The following SLC22A3 variants were observed in gnomAD, a reference collection of about 807,000 sequenced individuals.
SLC22A3 encodes the protein EMT organic cation transporter 3.
In SLC22A3, 51 loss-of-function variants were observed where a neutral mutation model predicts 59.1. The observed-to-expected ratio is 0.86, with a 90% CI of 0.69 to 1.09. The LOEUF (loss-of-function observed/expected upper bound fraction) is 1.09, where lower values mean the gene tolerates loss of function less well. SLC22A3 is among the 50% of genes least tolerant of loss of function. The pLI is 0.00. For synonymous variants in SLC22A3, 325 were observed against 292.0 expected, an observed-to-expected ratio of 1.11 and a Z score of -1.15; for missense variants, 711 against 726.3, an observed-to-expected ratio of 0.98 and a Z score of 0.24.
chr6:160,432,450 A>C (rs544577905), intron 5 of SLC22A3, among the ~76,000 whole-genome samples: 315 of 104,958 alleles, frequency 3.0e-3, no homozygotes, highest in African/African-American at 0.01. Flanking sequence ...TTTTTTTTTG[A>C]GACGGAGTCT....
At chr6:160,442,909 T>G (rs972896661) in intron 8 of SLC22A3, 40 bp downstream of exon 8, 2 of 1,463,034 alleles carry the variant, frequency 1.4e-6, no homozygotes, top group African/African-American at 2.8e-5. Flanking sequence ...TAAGTAACTC[T>G]GTAGACCAGC....
chr6:160,361,859 C>T (rs1006279972), intron 1 of SLC22A3, among the ~76,000 whole-genome samples: 1 of 152,228 alleles, frequency 6.6e-6, no homozygotes, highest in Non-Finnish European at 1.5e-5. Flanking sequence ...GAAGAAACTT[C>T]TCCAAAAGGC....
chr6:160,383,408 C>T (rs908541489), intron 1 of SLC22A3, among the ~76,000 whole-genome samples: 5 of 152,136 alleles, frequency 3.3e-5, no homozygotes, highest in African/African-American at 9.7e-5. Context: ...AATCAGCCTC[C>T]GATAGATATT....
chr6:160,426,218 T>C (rs1562496434), intron 5 of SLC22A3: 6 of 985,314 alleles, frequency 6.1e-6, no homozygotes, highest in African/African-American at 1.7e-5. Context: ...AACCAAAGGC[T>C]TTCTGAGTTA....
intron 2 of SLC22A3, among the ~76,000 whole-genome samples, chr6:160,400,181 G>A (rs1275756478): frequency 2.0e-5 from 3 of 150,752 alleles, no homozygotes; most frequent in Non-Finnish European, 2.9e-5. Context: ...GCAGCCAGAG[G>A]GGAAAAGGAA....
rs1477738569 is a variant in SLC22A3 at position 160,451,862 on chromosome 6, C to T, written c.*806C>T. 6.6e-6 allele frequency: 1 copy of T among 152,154 alleles called. No homozygotes were observed. Among genetic ancestry groups the T allele is most frequent in the Non-Finnish European group, 1.5e-5 (1 of 68,040 alleles). The allele number at this position is 152,154 out of a possible 1,614,324, so 9.4% of individuals were successfully genotyped here. A position where few individuals can be genotyped will look rare whatever the true frequency, so the allele number is the denominator to read the frequency against. ...ATTCCCTTCTTTACTAAACAAATCC[C>T]ATGGATTCTGATTTCTGGGTCTTAG... On this transcript the variant is annotated 3_prime_UTR_variant, in exon 11 of 11. Coordinates refer to ENST00000275300, the MANE Select transcript of SLC22A3 (RefSeq NM_021977.4).
rs75274766 is a variant in SLC22A3 at position 160,379,400 on chromosome 6, C to G, written c.430-18579C>G. Among the ~76,000 whole-genome samples, 1,452 of 152,232 alleles carry G rather than the reference C, an allele frequency of 9.5e-3. 24 individuals are homozygous for G. Among genetic ancestry groups the G allele is most frequent in the African/African-American group, 0.033 (1,379 of 41,526 alleles). On this transcript the variant is annotated intron_variant, in intron 1 of 10. Coordinates refer to ENST00000275300, the MANE Select transcript of SLC22A3 (RefSeq NM_021977.4). ...AAAATTTCTAGTAGCAAAAGAATATCCTCTGACACTCTTTTCAAAATGCCA... is the reference window on the plus strand; with the variant it reads ...AAAATTTCTAGTAGCAAAAGAATATGCTCTGACACTCTTTTCAAAATGCCA...
chr6:160,383,317 C>G (rs1464336789), intron 1 of SLC22A3, among the ~76,000 whole-genome samples: 1 of 152,052 alleles, frequency 6.6e-6, no homozygotes, highest in Non-Finnish European at 1.5e-5. Flanking sequence ...CTGCCCACCC[C>G]ACTCCAACTC....
In SLC22A3 at chr6:160,442,869, G is replaced by C; in HGVS notation, c.1397G>C (p.Arg466Pro). 1 of 1,602,980 alleles carries C rather than the reference G, an allele frequency of 6.2e-7. No individual in the cohort carries two copies. The highest frequency in any genetic ancestry group is 8.5e-7 in the Non-Finnish European group (1 of 1,169,848). Residue 466 changes from arginine to proline, a missense_variant and splice_region_variant, in exon 8 of 11, where the codon CGA becomes CCA. Arg to Pro is a moderately radical substitution (Grantham distance 103). Coordinates refer to ENST00000275300, the MANE Select transcript of SLC22A3 (RefSeq NM_021977.4). ...VNSELYPTTL[R>P]NFGVSLCSGL... is the part of the protein sequence containing the mutation. The stretch of plus-strand genomic sequence containing the variant: ...TCAGAATTGTACCCAACAACATTAC[G>C]GTAATTCTAACAAACGTTATAGTTT...
chr6:160,384,070 C>T (rs775307739), intron 1 of SLC22A3, among the ~76,000 whole-genome samples: 35 of 152,290 alleles, frequency 2.3e-4, no homozygotes, highest in Non-Finnish European at 4.6e-4. Flanking sequence ...GCTGGGATTA[C>T]AGGCGCACAC....
intron 1 of SLC22A3, among the ~76,000 whole-genome samples, chr6:160,369,688 A>C (rs1356662116): frequency 5.3e-5 from 8 of 152,180 alleles, no homozygotes; most frequent in African/African-American, 1.9e-4. Context: ...AAATGTTAGC[A>C]TTTTGTTGTA....
intron 1 of SLC22A3, among the ~76,000 whole-genome samples, chr6:160,351,331 G>A (rs1217482878): frequency 6.6e-6 from 1 of 152,158 alleles, no homozygotes; most frequent in Non-Finnish European, 1.5e-5. Context: ...TAGCCAGGAT[G>A]GTCTCGATCT....
chr6:160,426,965 AT>A (rs1249075075), intron 5 of SLC22A3, among the ~76,000 whole-genome samples: 1 of 151,908 alleles, frequency 6.6e-6, no homozygotes, highest in African/African-American at 2.4e-5. Flanking sequence ...CAGTTTCCTA[AT>A]TTTTCCAGCC....
intron 4 of SLC22A3, 100 bp from the exon 5 acceptor site, chr6:160,410,629 A>G (rs1209390291): frequency 2.6e-6 from 2 of 779,160 alleles, no homozygotes; most frequent in East Asian, 5.1e-5. Flanking sequence ...CTAAATGTAT[A>G]TCTAATTGCA....
intron 1 of SLC22A3, among the ~76,000 whole-genome samples, chr6:160,367,979 C>G (rs1229668454): frequency 6.6e-6 from 1 of 152,106 alleles, no homozygotes; most frequent in African/African-American, 2.4e-5. Context: ...TCCCACTGGC[C>G]TGCCTGGGCT....
intron 3 of SLC22A3, 66 bp from the exon 4 acceptor site, chr6:160,408,687 T>C: frequency 1.3e-5 from 19 of 1,490,206 alleles, no homozygotes; most frequent in Non-Finnish European, 1.8e-5. Context: ...AACATCTCTG[T>C]ATTTGTTTGT....
At chr6:160,381,734 A>T (rs1785804524) in intron 1 of SLC22A3, among the ~76,000 whole-genome samples, 1 of 152,152 alleles carries the variant, frequency 6.6e-6, no homozygotes, top group African/African-American at 2.4e-5. Context: ...TTCAGCCATG[A>T]TTTTTCTACC....
chr6:160,441,778 A>T (rs1361474146), intron 7 of SLC22A3, among the ~76,000 whole-genome samples: 1 of 152,170 alleles, frequency 6.6e-6, no homozygotes, highest in Non-Finnish European at 1.5e-5. Context: ...CTAAATGAAC[A>T]TATGTGTTGG....
chr6:160,449,077 C>T (rs890510779), intron 10 of SLC22A3, among the ~76,000 whole-genome samples: 9 of 152,124 alleles, frequency 5.9e-5, no homozygotes, highest in African/African-American at 1.2e-4. Context: ...GTGATGCTTT[C>T]ATTCTTTATC....
Sources: gnomAD v4.1 joint callset for allele counts (sites outside exome capture counted in the v4.1 genomes callset) on GRCh38, gnomAD v4.1.1 for gene constraint, MANE v1.5 for transcripts, NCBI Gene and HGNC (gene_info 2026-07-23, HGNC 2026-07-21) for gene names.